The following UPK3BL2 variants were observed in gnomAD, a reference collection of about 807,000 sequenced individuals.
UPK3BL2 encodes uroplakin-3b-like protein 2.
UPK3BL2 carries 1 observed loss-of-function variant against 11.3 expected under a neutral mutation model. The observed-to-expected ratio is 0.09, with a 90% CI of 0.03 to 0.42. The LOEUF is 0.42. Ranked by LOEUF, UPK3BL2 falls within the 10% of genes least tolerant of loss-of-function variation. The pLI, the probability that UPK3BL2 is intolerant of heterozygous loss-of-function variation, is 0.98.
At chr7:102,540,948 G>T (rs1240883720) in intron 3 of UPK3BL2, 145 bp downstream of exon 3, 10 of 293,770 alleles carry the variant, frequency 3.4e-5, no homozygotes, top group Non-Finnish European at 5.8e-5. Flanking sequence ...CCTAGCCCCT[G>T]CCTGCTGCTT....
In UPK3BL2 at chr7:102,540,855, C is replaced by CAAAACAAAA. The variant is rs1479651896; in HGVS notation, c.485+237_485+238insTTTTGTTTT. On this transcript the variant is annotated intron_variant, in intron 3 of 5. Transcript: ENST00000644544. ...CAAGACTCCATCTCAAAAAACAAAACAAAAAAAAAAAAAAAAAAAAAGAAG... is the reference window on the plus strand; with the variant it reads ...CAAGACTCCATCTCAAAAAACAAAACAAAACAAAAAAAAAAAAAAAAAAAAAAAAAGAAG... Among the ~76,000 whole-genome samples the CAAAACAAAA allele has an allele frequency of 1.8e-3, 112 of 61,282 alleles. 3 individuals carry two copies. Among genetic ancestry groups the CAAAACAAAA allele is most frequent in the Non-Finnish European group, 2.3e-3 (61 of 26,748 alleles). 40.2% of individuals were successfully genotyped at this position (61,282 alleles called of 152,430 possible). A position where few individuals can be genotyped will look rare whatever the true frequency, so the allele number is the denominator to read the frequency against.
intron 3 of UPK3BL2, among the ~76,000 whole-genome samples, chr7:102,540,791 C>T (rs1586799672): frequency 6.8e-6 from 1 of 146,744 alleles, no homozygotes; most frequent in African/African-American, 2.5e-5. Flanking sequence ...TTGCAGTGAG[C>T]CGAGATCACA....
chr7:102,540,880 G>T (rs146391920), intron 3 of UPK3BL2, among the ~76,000 whole-genome samples: 1 of 65,910 alleles, frequency 1.5e-5, no homozygotes, highest in Non-Finnish European at 3.3e-5. Context: ...AAAAAAAGAA[G>T]AAAAGGAAAA....
chr7:102,540,901 GAGA>G (rs1382594787), intron 3 of UPK3BL2, among the ~76,000 whole-genome samples, 189 bp downstream of exon 3: 3 of 61,818 alleles, frequency 4.9e-5, no homozygotes, highest in East Asian at 5.8e-4. Context: ...AAAAAAAAAA[GAGA>G]AGAAGGATAA....
chr7:102,538,289 A>G (rs1368868595), downstream of UPK3BL2: 49 of 414,762 alleles, frequency 1.2e-4, 3 homozygotes, highest in African/African-American at 9.0e-4. Context: ...CAAAAAAAAA[A>G]AAAAAAATAG....
At chr7:102,539,959 A>AC in intron 4 of UPK3BL2, 56 bp downstream of exon 4, 3 of 1,070,708 alleles carry the variant, frequency 2.8e-6, no homozygotes, top group Admixed American at 4.9e-5. Flanking sequence ...AGTCCTCAGG[A>AC]CCCCCAGGCC....
intron 1 of UPK3BL2, chr7:102,542,818 T>C (rs2133373303): frequency 4.5e-6 from 1 of 223,078 alleles, no homozygotes; most frequent in Non-Finnish European, 7.6e-6. Flanking sequence ...GCCAATATGG[T>C]GAAACCCTGT....
intron 3 of UPK3BL2, among the ~76,000 whole-genome samples, chr7:102,540,293 CCT>C (rs1300517966): frequency 1.3e-5 from 1 of 79,702 alleles, no homozygotes; most frequent in African/African-American, 4.1e-5. Flanking sequence ...CGTCCCTCCC[CCT>C]CTCTGGGCTT....
At chr7:102,540,294 CT>C (rs1800195741) in intron 3 of UPK3BL2, among the ~76,000 whole-genome samples, 2 of 79,874 alleles carry the variant, frequency 2.5e-5, no homozygotes, top group African/African-American at 8.3e-5. Context: ...GTCCCTCCCC[CT>C]CTCTGGGCTT....
At chr7:102,543,062 C>T (rs1198509821) in intron 1 of UPK3BL2, among the ~76,000 whole-genome samples, 3 of 149,508 alleles carry the variant, frequency 2.0e-5, no homozygotes, top group African/African-American at 7.3e-5. Flanking sequence ...AGAAGCGGAG[C>T]AGTCAGAGAT....
intron 3 of UPK3BL2, among the ~76,000 whole-genome samples, chr7:102,540,834 A>C: frequency 6.8e-6 from 1 of 146,362 alleles, no homozygotes; most frequent in Non-Finnish European, 1.5e-5. Flanking sequence ...ACAGAGCAAG[A>C]CTCCATCTCA....
At chr7:102,543,296 T>TAA (rs767375255) in intron 1 of UPK3BL2, among the ~76,000 whole-genome samples, 99 of 122,940 alleles carry the variant, frequency 8.1e-4, no homozygotes, top group African/African-American at 2.6e-3. Flanking sequence ...ACAAAAATCT[T>TAA]AAAAAAAAAA....
intron 3 of UPK3BL2, among the ~76,000 whole-genome samples, chr7:102,540,869 AAAAAAAAGAAGAAAAGG>A (rs1563689715): frequency 5.4e-4 from 71 of 131,444 alleles, no homozygotes; most frequent in South Asian, 1.3e-3. Flanking sequence ...AAAAAAAAAA[AAAAAAAAGAAGAAAAGG>A]AAAAAAAAAA....
chr7:102,542,019 C>T (rs1311938630), intron 1 of UPK3BL2: 1 of 931,712 alleles, frequency 1.1e-6, no homozygotes. Context: ...TGACCCTAGG[C>T]TGAACTCTGT....
At chr7:102,540,830 C>A (rs1359197281) in intron 3 of UPK3BL2, among the ~76,000 whole-genome samples, 1 of 125,084 alleles carries the variant, frequency 8.0e-6, no homozygotes, top group African/African-American at 3.0e-5. Context: ...GGTCACAGAG[C>A]AAGACTCCAT....
rs1418388456 is a variant in UPK3BL2, at chr7:102,543,674, A to G, written c.-38T>C. The G allele has an allele frequency of 2.2e-4, 12 of 54,070 alleles. No homozygotes were observed. In the African/African-American group the frequency reaches 2.4e-3, roughly 11 times the overall value. 3.3% of individuals were successfully genotyped at this position (54,070 alleles called of 1,614,324 possible). A position where few individuals can be genotyped will look rare whatever the true frequency, so the allele number is the denominator to read the frequency against. ...CCGTCTGCAGTGTCTGCAGCCCCAG[A>G]GGCTCCCCTGTCTGTAGTCTGTGCT... On this transcript the variant is annotated 5_prime_UTR_variant, in exon 1 of 6. Transcript: ENST00000644544.
At chr7:102,540,850 C>CAAAA (rs1800223967) in intron 3 of UPK3BL2, among the ~76,000 whole-genome samples, 2 of 60,672 alleles carry the variant, frequency 3.3e-5, no homozygotes, top group African/African-American at 6.2e-5. Context: ...TCTCAAAAAA[C>CAAAA]AAAACAAAAA....
intron 1 of UPK3BL2, among the ~76,000 whole-genome samples, chr7:102,543,007 AAAAAAAAAGAAAGAAAG>A (rs1800337078): frequency 6.8e-6 from 1 of 146,574 alleles, no homozygotes; most frequent in Non-Finnish European, 1.5e-5. Flanking sequence ...CGAAAAAAAA[AAAAAAAAAGAAAGAAAG>A]AAAAAAAAGA....
intron 3 of UPK3BL2, among the ~76,000 whole-genome samples, chr7:102,540,880 G>GAAAAAA (rs1434603502): frequency 1.5e-5 from 1 of 65,902 alleles, no homozygotes; most frequent in Non-Finnish European, 3.3e-5. Context: ...AAAAAAAGAA[G>GAAAAAA]AAAAGGAAAA....
Sources: allele counts gnomAD v4.1 joint callset (sites outside exome capture counted in the v4.1 genomes callset), GRCh38; gene constraint gnomAD v4.1.1; transcripts MANE v1.5; gene names NCBI Gene and HGNC (gene_info 2026-07-23, HGNC 2026-07-21).